The following SV2C variants were observed in gnomAD, a reference collection of about 807,000 sequenced individuals.
SV2C encodes synaptic vesicle glycoprotein 2C, also known as solute carrier family 22 member B3.
In SV2C, 49 loss-of-function variants were observed where a neutral mutation model predicts 79.7. The observed-to-expected ratio is 0.61, with a 90% confidence interval of 0.49 to 0.78. SV2C has a LOEUF of 0.78. Among genes scored for constraint, SV2C ranks in the 30% least tolerant of loss-of-function variants. The pLI is 0.00. For synonymous variants in SV2C, 334 were observed against 333.2 expected, an observed-to-expected ratio of 1.00 and a Z score of -0.03; for missense variants, 833 against 912.9, an observed-to-expected ratio of 0.91 and a Z score of 1.13.
the SV2C span, among the ~76,000 whole-genome samples, chr5:75,887,875 T>C: frequency 0.59 from 89,771 of 151,970 alleles, 27,879 homozygotes; most frequent in African/African-American, 0.8. Flanking sequence ...TAGGTGTCCT[T>C]GAAGCGGTTT....
chr5:76,010,944 T>G, the SV2C span, among the ~76,000 whole-genome samples: 1 of 152,280 alleles, frequency 6.6e-6, no homozygotes, highest in South Asian at 2.1e-4. Flanking sequence ...TTGATTATCC[T>G]AAAGCAAAGT....
At chr5:76,000,203 T>G in the SV2C span, among the ~76,000 whole-genome samples, 1 of 152,090 alleles carries the variant, frequency 6.6e-6, no homozygotes, top group Admixed American at 6.5e-5. Context: ...TCATGAAGCC[T>G]TTGAGACATT....
the SV2C span, among the ~76,000 whole-genome samples, chr5:75,970,062 C>T: frequency 1.0e-3 from 159 of 152,192 alleles, no homozygotes; most frequent in Non-Finnish European, 1.7e-3. Context: ...ACAATCTGCT[C>T]CTGAATGACT....
the SV2C span, among the ~76,000 whole-genome samples, chr5:75,993,716 T>G: frequency 6.6e-6 from 1 of 152,066 alleles, no homozygotes; most frequent in African/African-American, 2.4e-5. Flanking sequence ...GGGAGGAGAT[T>G]GTCTAGGTCC....
chr5:75,909,966 A>G, the SV2C span, among the ~76,000 whole-genome samples: 2 of 152,034 alleles, frequency 1.3e-5, no homozygotes, highest in Non-Finnish European at 2.9e-5. Context: ...TGCCCAGTAA[A>G]CTCCATGTCA....
chr5:76,298,753 A>G (rs1438842957), intron 9 of SV2C, 41 bp from the exon 10 acceptor site: 1 of 1,603,062 alleles, frequency 6.2e-7, no homozygotes, highest in Non-Finnish European at 8.5e-7. Context: ...TTTGATGGAC[A>G]CAGTCATTGA....
At chr5:75,899,011 A>G in the SV2C span, among the ~76,000 whole-genome samples, 7 of 152,124 alleles carry the variant, frequency 4.6e-5, no homozygotes, top group African/African-American at 1.7e-4. Context: ...GATCCTTTCA[A>G]AAAACCAGCT....
chr5:76,077,748 G>A, the SV2C span, among the ~76,000 whole-genome samples: 9 of 152,214 alleles, frequency 5.9e-5, no homozygotes, highest in Non-Finnish European at 1.3e-4. Flanking sequence ...TTTGGAGTCA[G>A]AGGAAAGCTG....
chr5:75,900,954 T>C, the SV2C span, among the ~76,000 whole-genome samples: 2 of 152,230 alleles, frequency 1.3e-5, no homozygotes, highest in Non-Finnish European at 2.9e-5. Context: ...TTAAGCACTT[T>C]TCTGTATTGG....
At chr5:76,248,989 G>A (rs965635221) in intron 4 of SV2C, among the ~76,000 whole-genome samples, 13 of 152,174 alleles carry the variant, frequency 8.5e-5, no homozygotes. Context: ...AGAAAAGGGT[G>A]GGTATTATTA....
chr5:76,081,059 G>A (rs777871768), upstream of SV2C, among the ~76,000 whole-genome samples: 1 of 152,104 alleles, frequency 6.6e-6, no homozygotes, highest in Non-Finnish European at 1.5e-5. Context: ...TAAATGGGAT[G>A]TTTCAGGCAA....
chr5:76,007,952 G>T, the SV2C span, among the ~76,000 whole-genome samples: 6 of 152,118 alleles, frequency 3.9e-5, no homozygotes, highest in African/African-American at 1.4e-4. Context: ...TGTGACCAAG[G>T]ATCCTTGCCT....
chr5:76,105,617 G>T (rs1186862679), intron 1 of SV2C, among the ~76,000 whole-genome samples: 1 of 152,086 alleles, frequency 6.6e-6, no homozygotes, highest in African/African-American at 2.4e-5. Context: ...TGCTACCTTT[G>T]TGATATTTTA....
chr5:76,254,212 ATATG>A lies in SV2C; in HGVS notation c.914-30948_914-30945del, dbSNP rs538360033. ...TGTGTATATATATATGTGTGTATAT[ATATG>A]TGTGTGTATATATATGTGTGTGTGT... On this transcript the variant is annotated intron_variant, in intron 4 of 12. Transcript: ENST00000502798. Among the ~76,000 whole-genome samples, 3 of 146,102 alleles carry A rather than the reference ATATG, an allele frequency of 2.1e-5. No homozygotes were observed. The South Asian group carries it at 6.5e-4, about 31-fold the overall frequency.
At chr5:76,309,626 CAGAA>C (rs148144933) in intron 12 of SV2C, among the ~76,000 whole-genome samples, 4,628 of 95,788 alleles carry the variant, frequency 0.048, 40 homozygotes, top group East Asian at 0.061. Context: ...AAAAAAAAAA[CAGAA>C]AGAAAGAAAG....
At chr5:76,292,358 T>A (rs1463515683) in intron 8 of SV2C, among the ~76,000 whole-genome samples, 1 of 152,204 alleles carries the variant, frequency 6.6e-6, no homozygotes, top group Admixed American at 6.5e-5. Context: ...TATCCCCTTC[T>A]CAGCTCTACT....
At chr5:76,146,349 T>G (rs1231702446) in intron 2 of SV2C, among the ~76,000 whole-genome samples, 2 of 152,322 alleles carry the variant, frequency 1.3e-5, no homozygotes, top group Non-Finnish European at 2.9e-5. Flanking sequence ...CCCCGAGGGC[T>G]GCTGGTTGCC....
the SV2C span, among the ~76,000 whole-genome samples, chr5:75,983,289 G>A: frequency 5.9e-5 from 9 of 152,070 alleles, no homozygotes; most frequent in Non-Finnish European, 1.2e-4. Flanking sequence ...TCATTATGTG[G>A]CCGAAGAGCA....
intron 4 of SV2C, among the ~76,000 whole-genome samples, chr5:76,250,219 TGAA>T (rs1367804835): frequency 1.3e-5 from 2 of 152,128 alleles, no homozygotes; most frequent in Non-Finnish European, 2.9e-5. Context: ...TAAAATATGA[TGAA>T]GAAAAGTTCA....
Sources: gnomAD v4.1 joint callset for allele counts (sites outside exome capture counted in the v4.1 genomes callset) on GRCh38, gnomAD v4.1.1 for gene constraint, MANE v1.5 for transcripts, NCBI Gene and HGNC (gene_info 2026-07-23, HGNC 2026-07-21) for gene names.